RNF220: variants seen among roughly 807,000 people sequenced by gnomAD.
RNF220 encodes the protein E3 ubiquitin-protein ligase RNF220.
Under a neutral mutation model 67.1 loss-of-function variants are expected in RNF220, and 7 were observed. That is an observed-to-expected ratio of 0.10 (90% CI 0.06 to 0.20). The LOEUF (loss-of-function observed/expected upper bound fraction) is 0.20, where lower values mean the gene tolerates loss of function less well. Among genes scored for constraint, RNF220 ranks in the 10% least tolerant of loss-of-function variants. The pLI is 1.00. For synonymous variants in RNF220, 270 were observed against 283.2 expected, an observed-to-expected ratio of 0.95 and a Z score of 0.47; for missense variants, 565 against 740.3, an observed-to-expected ratio of 0.76 and a Z score of 2.75.
chr1:44,543,854 G>A (rs537587564), intron 2 of RNF220, among the ~76,000 whole-genome samples: 2 of 152,260 alleles, frequency 1.3e-5, no homozygotes, highest in East Asian at 3.9e-4. Context: ...AAAGGTCAAC[G>A]CCAGCTCTGA....
intron 2 of RNF220, among the ~76,000 whole-genome samples, chr1:44,527,785 G>T (rs935286142): frequency 6.6e-6 from 1 of 151,598 alleles, no homozygotes; most frequent in Non-Finnish European, 1.5e-5. Flanking sequence ...AATTAGCCAG[G>T]CATGGTGGCA....
At position 44,649,984 on chromosome 1, in the gene RNF220, G is replaced by A; in HGVS notation, c.1629+27G>A. 1 of 1,609,856 alleles carries A rather than the reference G, an allele frequency of 6.2e-7. No individual in the cohort carries two copies. The highest frequency in any genetic ancestry group is 8.5e-7 in the Non-Finnish European group (1 of 1,178,302). On this transcript the variant is annotated intron_variant, in intron 14 of 14. Transcript: ENST00000361799. The surrounding 1 kb of genome is among the most constrained non-coding windows in gnomAD (Gnocchi z 5.9). Reference sequence around the variant, plus strand: ...TGAGGTGGCATGGGGGTCGGGGAATGGGAGGCCGCTCCGGGCACTGCCCAG... The same window carrying A: ...TGAGGTGGCATGGGGGTCGGGGAATAGGAGGCCGCTCCGGGCACTGCCCAG...
At chr1:44,588,960 T>C (rs1409589906) in intron 2 of RNF220, among the ~76,000 whole-genome samples, 1 of 152,238 alleles carries the variant, frequency 6.6e-6, no homozygotes, top group Non-Finnish European at 1.5e-5. Context: ...GCCTGAGGCC[T>C]GCCTCCTCTC....
At chr1:44,466,014 C>T (rs35138596) in intron 2 of RNF220, among the ~76,000 whole-genome samples, 46,701 of 151,884 alleles carry the variant, frequency 0.31, 7,361 homozygotes, top group Middle Eastern at 0.41. Flanking sequence ...GAAAGATTTC[C>T]CTGTAGCATG....
intron 2 of RNF220, among the ~76,000 whole-genome samples, chr1:44,611,794 T>C (rs1643324602): frequency 6.6e-6 from 1 of 152,238 alleles, no homozygotes. Flanking sequence ...TGAGCTCCAG[T>C]TTCTCCTAGA....
At chr1:44,441,424 A>G (rs955522205) in intron 2 of RNF220, among the ~76,000 whole-genome samples, 1 of 152,218 alleles carries the variant, frequency 6.6e-6, no homozygotes, top group Non-Finnish European at 1.5e-5. Flanking sequence ...AGCTGGCATG[A>G]GTGAATGGCT....
intron 2 of RNF220, among the ~76,000 whole-genome samples, chr1:44,562,687 C>G (rs1663671111): frequency 6.6e-6 from 1 of 152,148 alleles, no homozygotes; most frequent in African/African-American, 2.4e-5. Flanking sequence ...GCATGCTTAG[C>G]TCAAGGAACC....
intron 2 of RNF220, among the ~76,000 whole-genome samples, chr1:44,446,146 A>G (rs914121886): frequency 2.6e-5 from 4 of 152,346 alleles, no homozygotes; most frequent in Middle Eastern, 6.8e-3. Context: ...AAACATGAGT[A>G]TTAACTTTGC....
At position 44,649,859 on chromosome 1, in the gene RNF220, C is replaced by T. The variant is rs1169013078; in HGVS notation, c.1555-24C>T. On this transcript the variant is annotated intron_variant, in intron 13 of 14. Transcript: ENST00000361799. This position sits in a 1 kb window ranked among gnomAD's most constrained non-coding sequence, Gnocchi z 5.9. ...AGGGTGGGCCTACCTCAGAGTGACC[C>T]CTTCTCTGCCCCCTCCTCCCTAGGA... The T allele has an allele frequency of 6.2e-7, 1 of 1,613,896 alleles. No individual in the cohort carries two copies. Among genetic ancestry groups the T allele is most frequent in the Non-Finnish European group, 8.5e-7 (1 of 1,179,846 alleles).
intron 5 of RNF220, among the ~76,000 whole-genome samples, chr1:44,631,535 T>C (rs1380455775): frequency 6.6e-6 from 1 of 152,186 alleles, no homozygotes; most frequent in Middle Eastern, 3.2e-3. Flanking sequence ...CTATGGGAGC[T>C]CCAGGGGCCG....
At chr1:44,529,877 C>A (rs1660696003) in intron 2 of RNF220, among the ~76,000 whole-genome samples, 2 of 149,832 alleles carry the variant, frequency 1.3e-5, no homozygotes, top group African/African-American at 5.0e-5. Flanking sequence ...ATGGCAAAAC[C>A]CCATCTCTAC....
intron 2 of RNF220, among the ~76,000 whole-genome samples, chr1:44,555,216 C>T (rs558951250): frequency 2.1e-4 from 32 of 152,178 alleles, no homozygotes; most frequent in Non-Finnish European, 3.2e-4. Context: ...CACAGGCACA[C>T]GACACCACGC....
At chr1:44,469,528 C>T (rs988469019) in intron 2 of RNF220, among the ~76,000 whole-genome samples, 22 of 152,200 alleles carry the variant, frequency 1.4e-4, no homozygotes, top group Non-Finnish European at 5.9e-5. Flanking sequence ...AGATCTGCCA[C>T]TTAACACCAC....
Position 44,649,794 on chromosome 1 carries a change from G to A in RNF220, c.1554+25G>A, listed in dbSNP as rs1349548571. On this transcript the variant is annotated intron_variant, in intron 13 of 14. Transcript: ENST00000361799. This position sits in a 1 kb window ranked among gnomAD's most constrained non-coding sequence, Gnocchi z 5.9. ...GGTGAGTAGAAAAGAACCTAGGGGT[G>A]CCCTTGGTCAGGCTTCCACGCCCTC... The A allele has an allele frequency of 1.2e-6, 2 of 1,612,630 alleles. No individual in the cohort carries two copies. The highest frequency in any genetic ancestry group is 1.7e-6 in the Non-Finnish European group (2 of 1,178,680).
chr1:44,603,010 G>A (rs142371895), intron 2 of RNF220, among the ~76,000 whole-genome samples: 3 of 151,878 alleles, frequency 2.0e-5, no homozygotes, highest in Non-Finnish European at 2.9e-5. Context: ...GCCACCCTGC[G>A]CCCATAGAGG....
At chr1:44,506,950 A>G (rs1038203419) in intron 2 of RNF220, among the ~76,000 whole-genome samples, 2 of 152,194 alleles carry the variant, frequency 1.3e-5, no homozygotes, top group African/African-American at 4.8e-5. Context: ...ATAACCCATC[A>G]TGCCCTCAGG....
chr1:44,593,365 C>T (rs1666249712), intron 2 of RNF220, among the ~76,000 whole-genome samples: 1 of 152,192 alleles, frequency 6.6e-6, no homozygotes, highest in African/African-American at 2.4e-5. Flanking sequence ...TGACCTCAGG[C>T]AACTTTTACC....
Position 44,606,067 on chromosome 1 carries a change from C to T in RNF220, c.626-8098C>T, listed in dbSNP as rs905863130. ...ATTAATCCTGACAAATGATGACTTA[C>T]GAACATGTAATGCAAACTGATTCAT... On this transcript the variant is annotated intron_variant, in intron 2 of 14. Transcript: ENST00000361799. The surrounding 1 kb of genome is among the most constrained non-coding windows in gnomAD (Gnocchi z 4.2). Among the ~76,000 whole-genome samples the T allele has an allele frequency of 3.3e-5, 5 of 152,294 alleles. No individual in the cohort carries two copies. Among genetic ancestry groups the T allele is most frequent in the African/African-American group, 9.6e-5 (4 of 41,570 alleles).
At chr1:44,615,500 T>C (rs1330534987) in intron 3 of RNF220, among the ~76,000 whole-genome samples, 1 of 152,156 alleles carries the variant, frequency 6.6e-6, no homozygotes, top group East Asian at 1.9e-4. Flanking sequence ...CCTTATTCAG[T>C]TCAAGTCATC....
Sources: allele counts gnomAD v4.1 joint callset (sites outside exome capture counted in the v4.1 genomes callset), GRCh38; gene constraint gnomAD v4.1.1; non-coding constraint Gnocchi (gnomAD v3.1); transcripts MANE v1.5; gene names NCBI Gene and HGNC (gene_info 2026-07-23, HGNC 2026-07-21).